The following SLC8B1 variants were observed in gnomAD, a reference collection of about 807,000 sequenced individuals.
SLC8B1 encodes solute carrier family 8 member B1, also known as mitochondrial sodium/calcium exchanger protein.
Under a neutral mutation model 63.4 loss-of-function variants are expected in SLC8B1, and 52 were observed. That is an observed-to-expected ratio of 0.82 (90% confidence interval 0.66 to 1.03). The LOEUF is 1.03. Ranked by LOEUF, SLC8B1 falls within the 50% of genes least tolerant of loss-of-function variation. SLC8B1 has a pLI of 0.00. For missense variants in SLC8B1, 657 were observed against 741.7 expected (o/e 0.89, Z 1.33); for synonymous variants, 336 against 323.9 (o/e 1.04, Z -0.40).
intron 11 of SLC8B1, among the ~76,000 whole-genome samples, chr12:113,313,534 A>G (rs1956790959): frequency 6.6e-6 from 1 of 152,068 alleles, no homozygotes; most frequent in South Asian, 2.1e-4. Context: ...TGAGGTCAAG[A>G]GTTTGAGACC....
At chr12:113,309,627 G>C (rs1021552653) in intron 12 of SLC8B1, among the ~76,000 whole-genome samples, 1 of 152,162 alleles carries the variant, frequency 6.6e-6, no homozygotes, top group Non-Finnish European at 1.5e-5. Flanking sequence ...GTGGTGGCTT[G>C]CGCCTGTAGT....
At chr12:113,319,404 C>G (rs1439937578) in intron 7 of SLC8B1, 1 of 239,976 alleles carries the variant, frequency 4.2e-6, no homozygotes, top group Non-Finnish European at 8.4e-6. Flanking sequence ...TAGGTTCAGC[C>G]AATGGGAGGC....
intron 2 of SLC8B1, among the ~76,000 whole-genome samples, chr12:113,329,560 C>G (rs1957033903): frequency 6.6e-6 from 1 of 152,176 alleles, no homozygotes; most frequent in Admixed American, 6.5e-5. Context: ...CACAGCCCTC[C>G]CCCAGGTCCC....
At chr12:113,315,211 G>A (rs1376234561) in intron 11 of SLC8B1, 124 bp downstream of exon 11, 7 of 1,020,104 alleles carry the variant, frequency 6.9e-6, no homozygotes, top group South Asian at 4.8e-5. Context: ...GCTTGAACCC[G>A]AGAGGTGGAG....
rs201411719 is a variant in SLC8B1 at position 113,299,846 on chromosome 12, G to A, written c.1686C>T (p.Leu562=). 442 of 1,614,232 alleles carry A rather than the reference G, an allele frequency of 2.7e-4. 3 individuals are homozygous for A. The highest frequency in any genetic ancestry group is 3.3e-5 in the Admixed American group (2 of 60,030). ...CCACGACAAGGAAGTTCAGGTAGAA[G>A]AGGAGCAGGCAGAAGCCATAGACTC... ...LSRVYGFCLL[L]FYLNFLVVAL... The change falls in exon 16 of 16, where the codon CTC becomes CTT. Residue 562 remains leucine (L), a synonymous_variant. Coordinates refer to ENST00000680972, the MANE Select transcript of SLC8B1 (RefSeq NM_001358345.2).
At chr12:113,330,392 AG>A (rs1957042116) in intron 2 of SLC8B1, among the ~76,000 whole-genome samples, 1 of 152,196 alleles carries the variant, frequency 6.6e-6, no homozygotes, top group Non-Finnish European at 1.5e-5. Context: ...CTAGAGGGGA[AG>A]GGGATGGATT....
chr12:113,307,348 A>G (rs1315121609), intron 13 of SLC8B1, among the ~76,000 whole-genome samples: 1 of 152,046 alleles, frequency 6.6e-6, no homozygotes, highest in Non-Finnish European at 1.5e-5. Flanking sequence ...GGAAGGGTGT[A>G]TGTATGTAAG....
rs368111805 is a variant in SLC8B1, at chr12:113,299,784, C to T, written c.1748G>A (p.Ser583Asn). ...AGCACTAAGCGGCTTCAGTCACATG[C>T]TTTTCAGGTGAATCACTCCAAATTC... ...LTEFGVIHLK[S>N]M Residue 583 changes from serine to asparagine, a missense_variant, in exon 16 of 16, where the codon AGC (serine) becomes AAC (asparagine). Transcript: ENST00000680972. 6.2e-7 allele frequency: 1 copy of T among 1,614,038 alleles called. No individual in the cohort carries two copies. The highest frequency in any genetic ancestry group is 1.3e-5 in the African/African-American group (1 of 74,936).
At chr12:113,314,477 G>A (rs1956807771) in intron 11 of SLC8B1, among the ~76,000 whole-genome samples, 1 of 152,244 alleles carries the variant, frequency 6.6e-6, no homozygotes, top group Non-Finnish European at 1.5e-5. Context: ...AGAAATCTGG[G>A]TAGCAGAAGT....
chr12:113,307,138 A>C (rs1231302624), intron 13 of SLC8B1, among the ~76,000 whole-genome samples: 5 of 147,498 alleles, frequency 3.4e-5, no homozygotes, highest in African/African-American at 1.3e-4. Flanking sequence ...AAAAAAAAAA[A>C]AAAAAAAAAA....
intron 10 of SLC8B1, among the ~76,000 whole-genome samples, chr12:113,315,719 G>A (rs974139146): frequency 1.3e-5 from 2 of 152,224 alleles, no homozygotes; most frequent in African/African-American, 2.4e-5. Flanking sequence ...AAGTCAAGTT[G>A]TCAGCAGGGT....
At chr12:113,308,199 TAGTC>T (rs1956703613) in intron 12 of SLC8B1, 2 of 211,498 alleles carry the variant, frequency 9.5e-6, no homozygotes, top group South Asian at 1.3e-4. Flanking sequence ...ATACAAAAAT[TAGTC>T]AGGCTGGTGT....
Position 113,299,794 on chromosome 12 carries a change from G to T in SLC8B1, c.1738C>A (p.His580Asn), listed in dbSNP as rs371628155. 2.5e-6 allele frequency: 4 copies of T among 1,614,054 alleles called. No individual in the cohort carries two copies. In the African/African-American group the frequency reaches 4.0e-5, roughly 16 times the overall value. Residue 580 changes from histidine to asparagine, a missense_variant, in exon 16 of 16, where the codon CAC (histidine) becomes AAC (asparagine). Coordinates refer to ENST00000680972, the MANE Select transcript of SLC8B1 (RefSeq NM_001358345.2). ...VALLTEFGVI[H>N]LKSM Reference sequence around the variant, plus strand: ...GGCTTCAGTCACATGCTTTTCAGGTGAATCACTCCAAATTCAGTGAGGAGG... The same window carrying T: ...GGCTTCAGTCACATGCTTTTCAGGTTAATCACTCCAAATTCAGTGAGGAGG...
chr12:113,332,673 T>C (rs1326020151), intron 2 of SLC8B1, 50 bp downstream of exon 2: 3 of 1,573,460 alleles, frequency 1.9e-6, no homozygotes, highest in Non-Finnish European at 2.6e-6. Flanking sequence ...TATTTATCGA[T>C]TGGAGGAACA....
chr12:113,334,017 C>T (rs959231664), intron 1 of SLC8B1, among the ~76,000 whole-genome samples: 1 of 152,140 alleles, frequency 6.6e-6, no homozygotes, highest in Non-Finnish European at 1.5e-5. Flanking sequence ...CAGAGGAATT[C>T]CAGAACCTGC....
intron 2 of SLC8B1, among the ~76,000 whole-genome samples, chr12:113,323,341 A>G (rs948849398): frequency 6.6e-6 from 1 of 152,228 alleles, no homozygotes; most frequent in Non-Finnish European, 1.5e-5. Flanking sequence ...GAAATAAGCA[A>G]TTCTCATAAG....
chr12:113,306,777 C>G, intron 13 of SLC8B1: 1 of 565,004 alleles, frequency 1.8e-6, no homozygotes, highest in Admixed American at 3.0e-5. Context: ...ATTCCTTTAC[C>G]CCACTCTTTC....
At chr12:113,319,253 A>G (rs1334106176) in intron 7 of SLC8B1, 182 bp from the exon 8 acceptor site, 4 of 574,480 alleles carry the variant, frequency 7.0e-6, no homozygotes, top group Non-Finnish European at 1.3e-5. Context: ...TTCCAGGACC[A>G]TCTCCCTTCC....
At chr12:113,304,963 A>C (rs181963998) in intron 14 of SLC8B1, among the ~76,000 whole-genome samples, 1 of 152,222 alleles carries the variant, frequency 6.6e-6, no homozygotes, top group Admixed American at 6.5e-5. Flanking sequence ...TCCCCCAAAC[A>C]CCATATCTGA....
Sources: allele counts gnomAD v4.1 joint callset (sites outside exome capture counted in the v4.1 genomes callset), GRCh38; gene constraint gnomAD v4.1.1; transcripts MANE v1.5; gene names NCBI Gene and HGNC (gene_info 2026-07-23, HGNC 2026-07-21).